The following FARS2 variants were observed in gnomAD, a reference collection of about 807,000 sequenced individuals.
The protein encoded by FARS2 is phenylalanine--tRNA ligase, mitochondrial.
FARS2 carries 40 observed loss-of-function variants against 46.4 expected under a neutral mutation model. The observed-to-expected ratio is 0.86, with a 90% CI of 0.67 to 1.12. FARS2 has a LOEUF of 1.12. Among genes scored for constraint, FARS2 ranks in the 50% most tolerant of loss-of-function variants. The pLI is 0.00. For synonymous variants in FARS2, 234 were observed against 214.9 expected, an observed-to-expected ratio of 1.09 and a Z score of -0.78; for missense variants, 513 against 567.9, an observed-to-expected ratio of 0.90 and a Z score of 0.98.
intron 4 of FARS2, among the ~76,000 whole-genome samples, chr6:5,470,623 T>C (rs1462606499): frequency 6.6e-6 from 1 of 152,242 alleles, no homozygotes; most frequent in East Asian, 1.9e-4. Context: ...AGGCTCAAAG[T>C]GGATTTGTTC....
At chr6:5,533,367 C>G (rs796928123) in intron 4 of FARS2, among the ~76,000 whole-genome samples, 45 of 152,232 alleles carry the variant, frequency 3.0e-4, no homozygotes, top group African/African-American at 9.9e-4. Context: ...AGAAAGTCAT[C>G]ACTTGTATTG....
At chr6:5,480,950 C>T (rs149953612) in intron 4 of FARS2, among the ~76,000 whole-genome samples, 65 of 152,274 alleles carry the variant, frequency 4.3e-4, no homozygotes, top group Non-Finnish European at 6.5e-4. Context: ...CACACGCATA[C>T]GTGCATTTGT....
chr6:5,378,038 C>T (rs772976816), intron 2 of FARS2, among the ~76,000 whole-genome samples: 8 of 152,038 alleles, frequency 5.3e-5, no homozygotes, highest in South Asian at 2.1e-4. Context: ...GAAATCTTTT[C>T]GGAAAAGAGG....
chr6:5,263,148 T>C (rs781195072), intron 1 of FARS2, among the ~76,000 whole-genome samples: 13 of 152,242 alleles, frequency 8.5e-5, no homozygotes, highest in Admixed American at 2.6e-4. Flanking sequence ...ATTTTGCTTT[T>C]GAGAGTAAAG....
chr6:5,745,723 A>T (rs1761597054), intron 6 of FARS2, among the ~76,000 whole-genome samples: 1 of 152,088 alleles, frequency 6.6e-6, no homozygotes, highest in Non-Finnish European at 1.5e-5. Flanking sequence ...TATTTTTTGT[A>T]GATATGAGGT....
Position 5,297,577 on chromosome 6 carries a change from G to A in FARS2, c.-22+35917G>A, listed in dbSNP as rs921517929. 2.6e-5 allele frequency among the ~76,000 whole-genome samples: 4 copies of A among 152,098 alleles called. No individual in the cohort carries two copies. The East Asian group carries it at 7.7e-4, about 29-fold the overall frequency. On this transcript the variant is annotated intron_variant, in intron 1 of 6. Transcript: ENST00000274680. ...GTAGGAGAATTGATTGAACCCAGGA[G>A]GCGGAGGTTGCAGTGAGCCAAGATC...
In FARS2 at chr6:5,330,114, A is replaced by G. The variant is rs139072468; in HGVS notation, c.-21-38436A>G. 4.4e-3 allele frequency among the ~76,000 whole-genome samples: 675 copies of G among 152,084 alleles called. 5 individuals are homozygous for G. Among genetic ancestry groups the G allele is most frequent in the Middle Eastern group, 0.01 (3 of 294 alleles). On this transcript the variant is annotated intron_variant, in intron 1 of 6. Transcript: ENST00000274680. ...AATTCTACGGGATTTAGGAGTTCTCAATCAGGAACAGGGGACAAACATCAA... is the reference window on the plus strand; with the variant it reads ...AATTCTACGGGATTTAGGAGTTCTCGATCAGGAACAGGGGACAAACATCAA...
chr6:5,405,480 C>CTTTTTTTCTTTTTTTTTTT (rs765851968), intron 3 of FARS2, among the ~76,000 whole-genome samples: 4 of 58,946 alleles, frequency 6.8e-5, no homozygotes, highest in Non-Finnish European at 6.2e-5. Context: ...GAGCAAGGTT[C>CTTTTTTTCTTTTTTTTTTT]TTTTTTTTTT....
intron 4 of FARS2, among the ~76,000 whole-genome samples, chr6:5,488,108 G>C (rs1369330855): frequency 6.6e-6 from 1 of 152,130 alleles, no homozygotes; most frequent in Non-Finnish European, 1.5e-5. Context: ...GTTTTCTCCT[G>C]TGCCCTGGAG....
At chr6:5,444,466 CAAAAAAAAAA>C (rs751990577) in intron 4 of FARS2, among the ~76,000 whole-genome samples, 4 of 91,478 alleles carry the variant, frequency 4.4e-5, no homozygotes, top group African/African-American at 9.8e-5. Context: ...GACTCTGTCT[CAAAAAAAAAA>C]AAAAAAAAAA....
chr6:5,604,186 A>T (rs1239434233), intron 5 of FARS2, among the ~76,000 whole-genome samples: 1 of 152,152 alleles, frequency 6.6e-6, no homozygotes, highest in Non-Finnish European at 1.5e-5. Context: ...TTATGCGGAT[A>T]TGTGCGAGGT....
chr6:5,749,592 C>T (rs1020991116), intron 6 of FARS2, among the ~76,000 whole-genome samples: 9 of 152,178 alleles, frequency 5.9e-5, no homozygotes, highest in African/African-American at 1.9e-4. Flanking sequence ...GACCCTGGCC[C>T]GTGCCTTCTG....
At chr6:5,317,444 C>T (rs1769604219) in intron 1 of FARS2, among the ~76,000 whole-genome samples, 2 of 152,176 alleles carry the variant, frequency 1.3e-5, no homozygotes, top group Non-Finnish European at 2.9e-5. Context: ...AGTGCTTCTG[C>T]AGCTCAGACT....
At chr6:5,759,145 ATTTAAAC>A (rs1198343591) in intron 6 of FARS2, among the ~76,000 whole-genome samples, 1 of 152,118 alleles carries the variant, frequency 6.6e-6, no homozygotes, top group African/African-American at 2.4e-5. Flanking sequence ...GAGAATGGGA[ATTTAAAC>A]TCAGATCACA....
At position 5,476,702 on chromosome 6, in the gene FARS2, A is replaced by T. The variant is rs78617883; in HGVS notation, c.904+45530A>T. Among the ~76,000 whole-genome samples, 1,477 of 152,230 alleles carry T rather than the reference A, an allele frequency of 9.7e-3. 26 individuals carry two copies. The highest frequency in any genetic ancestry group is 0.034 in the African/African-American group (1,395 of 41,536). On this transcript the variant is annotated intron_variant, in intron 4 of 6. Transcript: ENST00000274680. ...CATGCCGAGGAGTTCACAGCTAGGTATTGAGAGCCTGCCCCTTGGTTGTTG... is the reference window on the plus strand; with the variant it reads ...CATGCCGAGGAGTTCACAGCTAGGTTTTGAGAGCCTGCCCCTTGGTTGTTG...
chr6:5,688,811 G>T (rs1206657874), intron 6 of FARS2, among the ~76,000 whole-genome samples: 1 of 152,162 alleles, frequency 6.6e-6, no homozygotes, highest in Non-Finnish European at 1.5e-5. Flanking sequence ...GTAGAATTCG[G>T]CTGTGAATCC....
chr6:5,555,599 T>C (rs144760346), intron 5 of FARS2, among the ~76,000 whole-genome samples: 2 of 152,304 alleles, frequency 1.3e-5, no homozygotes, highest in East Asian at 3.9e-4. Context: ...TGTGGGATTT[T>C]GCAGTGTTTC....
chr6:5,418,474 G>A (rs1051974489), intron 3 of FARS2, among the ~76,000 whole-genome samples: 4 of 152,138 alleles, frequency 2.6e-5, no homozygotes, highest in South Asian at 2.1e-4. Context: ...CTCTGTAACC[G>A]ATAACCCGTG....
intron 6 of FARS2, among the ~76,000 whole-genome samples, chr6:5,643,488 C>T (rs1039304730): frequency 4.6e-5 from 7 of 152,116 alleles, no homozygotes; most frequent in African/African-American, 1.7e-4. Flanking sequence ...GGAGTGATGC[C>T]GACATTCGTT....
Sources: gnomAD v4.1 joint callset for allele counts (sites outside exome capture counted in the v4.1 genomes callset) on GRCh38, gnomAD v4.1.1 for gene constraint, MANE v1.5 for transcripts, NCBI Gene and HGNC (gene_info 2026-07-23, HGNC 2026-07-21) for gene names.